INTS9: variants seen among roughly 807,000 people sequenced by gnomAD.
INTS9 encodes protein related to CPSF subunits of 74 kDa.
In INTS9, 55 loss-of-function variants were observed where a neutral mutation model predicts 79.7. That is an observed-to-expected ratio of 0.69 (90% CI 0.56 to 0.86). The LOEUF is 0.86. INTS9 is among the 40% of genes least tolerant of loss of function. The probability of loss-of-function intolerance (pLI) is 0.00; values close to 1 mark genes in which losing one functional copy is unlikely to be tolerated. For synonymous variants in INTS9, 319 were observed against 325.2 expected, an observed-to-expected ratio of 0.98 and a Z score of 0.20; for missense variants, 721 against 831.5, an observed-to-expected ratio of 0.87 and a Z score of 1.64.
chr8:28,849,411 G>A (rs1459347954), intron 3 of INTS9, among the ~76,000 whole-genome samples: 1 of 151,802 alleles, frequency 6.6e-6, no homozygotes, highest in Non-Finnish European at 1.5e-5. Context: ...CAAAGAGAAA[G>A]AAGTAATTTA....
At chr8:28,858,960 T>C (rs1808311971) in intron 2 of INTS9, among the ~76,000 whole-genome samples, 1 of 152,220 alleles carries the variant, frequency 6.6e-6, no homozygotes, top group Non-Finnish European at 1.5e-5. Flanking sequence ...AGGCAATCTG[T>C]CTCATTTAAG....
chr8:28,860,275 A>G (rs1273544973), intron 1 of INTS9, among the ~76,000 whole-genome samples: 1 of 152,202 alleles, frequency 6.6e-6, no homozygotes, highest in Non-Finnish European at 1.5e-5. Context: ...GTTCTCCTCA[A>G]TGTTGTGGCA....
At chr8:28,878,917 T>C (rs1809546081) in intron 1 of INTS9, among the ~76,000 whole-genome samples, 1 of 151,518 alleles carries the variant, frequency 6.6e-6, no homozygotes, top group African/African-American at 2.4e-5. Flanking sequence ...GAGGTAGAGA[T>C]TGCAGTGAGC....
At chr8:28,795,320 C>A (rs1369445875) in intron 9 of INTS9, among the ~76,000 whole-genome samples, 1 of 151,972 alleles carries the variant, frequency 6.6e-6, no homozygotes, top group Non-Finnish European at 1.5e-5. Flanking sequence ...GGGTGCAGGC[C>A]CCATGATGGG....
intron 12 of INTS9, chr8:28,780,333 G>C (rs947353583): frequency 3.1e-5 from 30 of 979,052 alleles, no homozygotes; most frequent in Non-Finnish European, 2.2e-5. Flanking sequence ...CATTCAAAGG[G>C]CTGGGCACGC....
At chr8:28,771,327 G>C (rs1802527387) in intron 14 of INTS9, among the ~76,000 whole-genome samples, 1 of 152,106 alleles carries the variant, frequency 6.6e-6, no homozygotes, top group South Asian at 2.1e-4. Context: ...GAAGGACGGG[G>C]ACAGCAGCAT....
chr8:28,848,072 G>T (rs1053905621), intron 3 of INTS9, among the ~76,000 whole-genome samples: 1 of 152,216 alleles, frequency 6.6e-6, no homozygotes, highest in Non-Finnish European at 1.5e-5. Context: ...CTGCTACGAT[G>T]CCTCCTGAAG....
chr8:28,888,324 G>A (rs117272830), intron 1 of INTS9, among the ~76,000 whole-genome samples: 2,117 of 152,234 alleles, frequency 0.014, 28 homozygotes, highest in Non-Finnish European at 0.02. Flanking sequence ...GGTTGAGGTG[G>A]GCAGATACCT....
intron 4 of INTS9, among the ~76,000 whole-genome samples, chr8:28,846,270 A>G (rs1807508337): frequency 6.6e-6 from 1 of 152,244 alleles, no homozygotes; most frequent in Non-Finnish European, 1.5e-5. Context: ...TGTGATAATA[A>G]TATGTAAGTG....
At chr8:28,773,630 C>A (rs1311820850) in intron 14 of INTS9, among the ~76,000 whole-genome samples, 1 of 151,230 alleles carries the variant, frequency 6.6e-6, no homozygotes, top group African/African-American at 2.4e-5. Context: ...TGGCTCACTG[C>A]AACCTCAGCC....
chr8:28,877,222 C>T (rs1277725209), intron 1 of INTS9, among the ~76,000 whole-genome samples: 1 of 152,026 alleles, frequency 6.6e-6, no homozygotes, highest in African/African-American at 2.4e-5. Context: ...TCCAGAACTA[C>T]ATAGGGTAAA....
chr8:28,804,900 C>T (rs536863459), intron 8 of INTS9, among the ~76,000 whole-genome samples: 47 of 152,222 alleles, frequency 3.1e-4, no homozygotes, highest in South Asian at 2.3e-3. Context: ...AGCATGAATA[C>T]AGCTGAGAAT....
chr8:28,831,158 A>G (rs545701467), intron 6 of INTS9, among the ~76,000 whole-genome samples: 29 of 152,234 alleles, frequency 1.9e-4, no homozygotes, highest in Non-Finnish European at 3.5e-4. Flanking sequence ...TGTCTGTTGT[A>G]GGGACATAGA....
At chr8:28,881,275 C>T (rs1454419737) in intron 1 of INTS9, among the ~76,000 whole-genome samples, 24 of 134,946 alleles carry the variant, frequency 1.8e-4, no homozygotes, top group African/African-American at 3.1e-4. Context: ...CCCCGCCCGG[C>T]CAGCCGCCCA....
At chr8:28,837,862 GAGA>G (rs1806907669) in intron 4 of INTS9, 86 bp from the exon 5 acceptor site, 4 of 1,334,718 alleles carry the variant, frequency 3.0e-6, no homozygotes, top group Non-Finnish European at 4.1e-6. Flanking sequence ...TCAGAATGCA[GAGA>G]AGTAGTTTTT....
intron 10 of INTS9, 147 bp from the exon 11 acceptor site, chr8:28,788,036 G>A (rs1803715525): frequency 2.0e-6 from 1 of 493,844 alleles, no homozygotes; most frequent in East Asian, 3.0e-5. Flanking sequence ...GAAATCCAGT[G>A]CCTACAGAGA....
intron 16 of INTS9, 134 bp from the exon 17 acceptor site, chr8:28,768,456 G>A: frequency 2.5e-6 from 2 of 791,610 alleles, no homozygotes; most frequent in Non-Finnish European, 4.3e-6. Context: ...ACTAGTCATA[G>A]GCCTATGATA....
At chr8:28,794,847 A>G (rs936530897) in intron 9 of INTS9, among the ~76,000 whole-genome samples, 21 of 152,194 alleles carry the variant, frequency 1.4e-4, no homozygotes, top group African/African-American at 5.1e-4. Context: ...ATTGGTCTTA[A>G]GGGAATGCGG....
chr8:28,875,942 TCA>T (rs1329173685), intron 1 of INTS9, among the ~76,000 whole-genome samples: 9 of 152,244 alleles, frequency 5.9e-5, no homozygotes, highest in African/African-American at 2.2e-4. Flanking sequence ...GCTATAACTA[TCA>T]CACAGTCATC....
Sources: gnomAD v4.1 joint callset for allele counts (sites outside exome capture counted in the v4.1 genomes callset) on GRCh38, gnomAD v4.1.1 for gene constraint, MANE v1.5 for transcripts, NCBI Gene and HGNC (gene_info 2026-07-23, HGNC 2026-07-21) for gene names.